TENM4: variants seen among roughly 807,000 people sequenced by gnomAD.
TENM4 encodes the protein teneurin-4.
Under a neutral mutation model 243.3 loss-of-function variants are expected in TENM4, and 82 were observed. The ratio of observed to expected loss-of-function variants is 0.34; its 90% CI spans 0.28 to 0.40. The LOEUF (loss-of-function observed/expected upper bound fraction) is 0.40. TENM4 is among the 10% of genes least tolerant of loss of function. The pLI is 1.00. For missense variants in TENM4, 3,138 were observed against 3,673.3 expected, an observed-to-expected ratio of 0.85 and a Z score of 3.77; for synonymous variants, 1,412 against 1,456.3, an observed-to-expected ratio of 0.97 and a Z score of 0.69.
chr11:78,723,779 A>G (rs1855453800), intron 23 of TENM4, among the ~76,000 whole-genome samples: 2 of 152,160 alleles, frequency 1.3e-5, no homozygotes, highest in Non-Finnish European at 2.9e-5. Context: ...CTGTGCTCTT[A>G]CAGATCATCA....
At chr11:79,384,044 ACCAG>A (rs1345177073) in intron 1 of TENM4, among the ~76,000 whole-genome samples, 6 of 152,020 alleles carry the variant, frequency 3.9e-5, no homozygotes, top group Non-Finnish European at 7.4e-5. Context: ...AACACAGCTA[ACCAG>A]CCAGCCAGCC....
chr11:78,910,974 A>G (rs1330866182), intron 6 of TENM4, among the ~76,000 whole-genome samples: 1 of 152,202 alleles, frequency 6.6e-6, no homozygotes, highest in Non-Finnish European at 1.5e-5. Flanking sequence ...ATGGGGAATA[A>G]AAAATAGCAC....
intron 6 of TENM4, among the ~76,000 whole-genome samples, chr11:79,064,194 A>C (rs1479477435): frequency 6.6e-6 from 1 of 152,202 alleles, no homozygotes; most frequent in Non-Finnish European, 1.5e-5. Context: ...GATTTCAAAA[A>C]CTTACTCCTC....
rs117279380 is a variant in TENM4 at position 79,043,069 on chromosome 11, C to T, written c.493+21669G>A. Among the ~76,000 whole-genome samples the T allele has an allele frequency of 7.9e-5, 12 of 152,294 alleles. No individual in the cohort carries two copies. In the East Asian group the frequency reaches 2.3e-3, roughly 29 times the overall value. ...ATTTCCTGGCTAGACTGCCAGCAATCCCACCCCACTCTGGGATATTCCAGT... is the reference window on the plus strand; with the variant it reads ...ATTTCCTGGCTAGACTGCCAGCAATTCCACCCCACTCTGGGATATTCCAGT... On this transcript the variant is annotated intron_variant, in intron 6 of 33. Coordinates refer to ENST00000278550, the MANE Select transcript of TENM4 (RefSeq NM_001098816.3).
intron 4 of TENM4, among the ~76,000 whole-genome samples, chr11:79,113,809 A>T (rs1167626437): frequency 6.6e-6 from 1 of 152,138 alleles, no homozygotes; most frequent in Non-Finnish European, 1.5e-5. Context: ...TCTGACCCTT[A>T]TAGGAGTGGA....
At chr11:78,964,368 C>T (rs1381742628) in intron 6 of TENM4, among the ~76,000 whole-genome samples, 1 of 152,088 alleles carries the variant, frequency 6.6e-6, no homozygotes, top group African/African-American at 2.4e-5. Flanking sequence ...TAAGGTTAAC[C>T]CCTGAGCTTA....
chr11:78,753,834 G>C (rs919053463), intron 19 of TENM4, among the ~76,000 whole-genome samples: 1 of 152,098 alleles, frequency 6.6e-6, no homozygotes, highest in African/African-American at 2.4e-5. Context: ...GAGATGAATG[G>C]TCTCTGTTTT....
At chr11:78,895,308 G>A (rs1316821699) in intron 7 of TENM4, among the ~76,000 whole-genome samples, 2 of 149,936 alleles carry the variant, frequency 1.3e-5, no homozygotes, top group Non-Finnish European at 3.0e-5. Flanking sequence ...CTGCATTCCA[G>A]CCTGGGCGAC....
intron 6 of TENM4, among the ~76,000 whole-genome samples, chr11:79,057,231 A>C (rs1278689865): frequency 2.6e-5 from 4 of 152,090 alleles, no homozygotes; most frequent in Non-Finnish European, 5.9e-5. Context: ...TTCTCCACTC[A>C]GAACCCTCCG....
Position 79,188,646 on chromosome 11 carries a change from C to T in TENM4, c.-163+27162G>A, listed in dbSNP as rs545406002. 4.9e-5 allele frequency among the ~76,000 whole-genome samples: 7 copies of T among 143,682 alleles called. No individual in the cohort carries two copies. In the South Asian group the frequency reaches 1.3e-3, roughly 27 times the overall value. 94.3% of individuals were successfully genotyped at this position (143,682 alleles called of 152,430 possible). On this transcript the variant is annotated intron_variant, in intron 3 of 33. Coordinates refer to ENST00000278550, the MANE Select transcript of TENM4 (RefSeq NM_001098816.3). ...AGGGAAGAATAAAGGAGAAGGGGAG[C>T]AAGCAGAAGAGAAGTGAGGATGGGG...
intron 28 of TENM4, among the ~76,000 whole-genome samples, chr11:78,699,754 G>A (rs1590948659): frequency 2.6e-5 from 4 of 152,198 alleles, no homozygotes; most frequent in South Asian, 2.1e-4. Context: ...GTAGGAAACC[G>A]TTTTAGATTT....
chr11:79,136,275 T>A (rs1213680754), intron 4 of TENM4, among the ~76,000 whole-genome samples: 1 of 152,120 alleles, frequency 6.6e-6, no homozygotes, highest in African/African-American at 2.4e-5. Flanking sequence ...CTGCATCCCA[T>A]GTAAGTGCTC....
intron 14 of TENM4, among the ~76,000 whole-genome samples, chr11:78,806,536 G>A (rs576729043): frequency 2.2e-4 from 33 of 152,252 alleles, no homozygotes; most frequent in Non-Finnish European, 3.8e-4. Flanking sequence ...GTGCTTACAT[G>A]CTAAGCACTT....
intron 6 of TENM4, among the ~76,000 whole-genome samples, chr11:78,988,330 G>C (rs750938211): frequency 6.6e-6 from 1 of 152,220 alleles, no homozygotes; most frequent in African/African-American, 2.4e-5. Flanking sequence ...TCTTCAGATG[G>C]CTGTAACCCT....
At chr11:79,224,417 T>C (rs1864221891) in intron 2 of TENM4, among the ~76,000 whole-genome samples, 1 of 151,914 alleles carries the variant, frequency 6.6e-6, no homozygotes, top group Non-Finnish European at 1.5e-5. Context: ...AATCAGTAAG[T>C]GAAGGAAGAA....
chr11:78,925,677 G>A (rs73500682), intron 6 of TENM4, among the ~76,000 whole-genome samples: 7,003 of 152,148 alleles, frequency 0.046, 498 homozygotes, highest in African/African-American at 0.15. Flanking sequence ...GTTCCAGAAG[G>A]TCACCTCCCT....
chr11:79,103,228 T>C (rs1371235499), intron 4 of TENM4, among the ~76,000 whole-genome samples: 2 of 152,174 alleles, frequency 1.3e-5, no homozygotes, highest in African/African-American at 4.8e-5. Context: ...CCCCCTTGGA[T>C]GGCTCCCCCA....
chr11:78,883,681 A>T (rs1855486192), intron 9 of TENM4, among the ~76,000 whole-genome samples: 1 of 152,266 alleles, frequency 6.6e-6, no homozygotes, highest in Non-Finnish European at 1.5e-5. Context: ...TGCAGCACGC[A>T]GTGTCTGCGT....
intron 3 of TENM4, among the ~76,000 whole-genome samples, chr11:79,172,845 T>G (rs181335636): frequency 2.1e-3 from 322 of 152,228 alleles, no homozygotes; most frequent in African/African-American, 7.1e-3. Flanking sequence ...TTCTCCGTGT[T>G]GGCCAGGCTG....
Sources: allele counts gnomAD v4.1 joint callset (sites outside exome capture counted in the v4.1 genomes callset), GRCh38; gene constraint gnomAD v4.1.1; transcripts MANE v1.5; gene names NCBI Gene and HGNC (gene_info 2026-07-23, HGNC 2026-07-21).